The following TIPIN variants were observed in gnomAD, a reference collection of about 807,000 sequenced individuals.
The protein encoded by TIPIN is TIMELESS interacting protein, also known as TIMELESS-interacting protein.
TIPIN carries 29 observed loss-of-function variants against 35.6 expected under a neutral mutation model. That is an observed-to-expected ratio of 0.82 (90% confidence interval 0.61 to 1.11). The LOEUF (loss-of-function observed/expected upper bound fraction) is 1.11. TIPIN is among the 50% of genes most tolerant of loss of function. The pLI is 0.00. For synonymous variants in TIPIN, 102 were observed against 121.5 expected (o/e 0.84, Z 1.06); for missense variants, 296 against 345.4 (o/e 0.86, Z 1.13).
At chr15:66,384,598 G>A (rs2093329642) in intron 1 of TIPIN, among the ~76,000 whole-genome samples, 1 of 151,566 alleles carries the variant, frequency 6.6e-6, no homozygotes, top group African/African-American at 2.4e-5. Flanking sequence ...CATCCACCCA[G>A]AATAATTTAT....
At chr15:66,362,461 C>A (rs561452975) in intron 1 of TIPIN, among the ~76,000 whole-genome samples, 1 of 152,164 alleles carries the variant, frequency 6.6e-6, no homozygotes, top group African/African-American at 2.4e-5. Flanking sequence ...GGTTTCACGC[C>A]TGTAATCACA....
chr15:66,380,604 C>T (rs774302141), intron 1 of TIPIN, among the ~76,000 whole-genome samples: 1 of 152,044 alleles, frequency 6.6e-6, no homozygotes, highest in Non-Finnish European at 1.5e-5. Flanking sequence ...CACCTGAGGT[C>T]AGGAGTTAGA....
intron 1 of TIPIN, among the ~76,000 whole-genome samples, chr15:66,372,307 A>C (rs999122320): frequency 6.6e-6 from 1 of 152,208 alleles, no homozygotes; most frequent in African/African-American, 2.4e-5. Flanking sequence ...TTTGAACTTT[A>C]TATGAAAGAA....
chr15:66,353,876 A>T (rs1035692015), intron 1 of TIPIN, among the ~76,000 whole-genome samples: 12 of 151,914 alleles, frequency 7.9e-5, no homozygotes, highest in Non-Finnish European at 1.3e-4. Flanking sequence ...CGGTAATCCC[A>T]GCAGGAGGCA....
chr15:66,347,691 C>A (rs1234865075), intron 6 of TIPIN, among the ~76,000 whole-genome samples: 2 of 152,140 alleles, frequency 1.3e-5, no homozygotes, highest in Non-Finnish European at 2.9e-5. Flanking sequence ...CAAGTTAATT[C>A]TCCTGCCTCA....
intron 1 of TIPIN, among the ~76,000 whole-genome samples, chr15:66,353,569 T>G (rs796066585): frequency 6.8e-6 from 1 of 148,034 alleles, no homozygotes; most frequent in African/African-American, 2.5e-5. Context: ...TAAGCCAAGA[T>G]GCCGCCACTG....
At chr15:66,368,814 C>G (rs1432881992) in intron 1 of TIPIN, among the ~76,000 whole-genome samples, 2 of 152,026 alleles carry the variant, frequency 1.3e-5, no homozygotes, top group Non-Finnish European at 2.9e-5. Context: ...ATGTCCTAGC[C>G]AAACAAACCT....
At chr15:66,374,539 A>G (rs1258553350) in intron 1 of TIPIN, among the ~76,000 whole-genome samples, 1 of 151,752 alleles carries the variant, frequency 6.6e-6, no homozygotes, top group Non-Finnish European at 1.5e-5. Flanking sequence ...CCTCCCAAGT[A>G]GTGCATGCCA....
chr15:66,346,016 G>C (rs1226830533), intron 6 of TIPIN, among the ~76,000 whole-genome samples: 1 of 151,166 alleles, frequency 6.6e-6, no homozygotes, highest in African/African-American at 2.4e-5. Flanking sequence ...GCGCAATCTC[G>C]GATCACTGCA....
intron 6 of TIPIN, among the ~76,000 whole-genome samples, chr15:66,342,552 CAG>C (rs1184182918): frequency 1.3e-5 from 2 of 151,946 alleles, no homozygotes; most frequent in Non-Finnish European, 2.9e-5. Context: ...TTAGTAGAGA[CAG>C]GGTTTCACCG....
At chr15:66,338,033 A>T (rs537361585) in intron 7 of TIPIN, among the ~76,000 whole-genome samples, 2 of 152,306 alleles carry the variant, frequency 1.3e-5, no homozygotes, top group South Asian at 4.1e-4. Context: ...AGGCAGGCAG[A>T]TCACTCAAGG....
At position 66,351,506 on chromosome 15, in the gene TIPIN, C is replaced by T; in HGVS notation, c.288+19G>A. The T allele has an allele frequency of 6.3e-7, 1 of 1,591,890 alleles. No homozygotes were observed. On this transcript the variant is annotated intron_variant, in intron 4 of 7. Transcript: ENST00000261881. ...GCTATTTTAAAAAACAAAGGTCTAA[C>T]ATAAAAATCAGTTCTTACCTCATGA... is the stretch of plus-strand genomic sequence containing the variant.
intron 7 of TIPIN, among the ~76,000 whole-genome samples, chr15:66,337,613 C>T (rs937483752): frequency 6.6e-6 from 1 of 151,898 alleles, no homozygotes; most frequent in African/African-American, 2.4e-5. Context: ...TGAGCTACCA[C>T]GCCTAGCCAA....
intron 6 of TIPIN, among the ~76,000 whole-genome samples, chr15:66,345,563 A>G (rs1015443841): frequency 2.0e-5 from 3 of 152,042 alleles, no homozygotes; most frequent in Admixed American, 6.6e-5. Context: ...AAAAATACAA[A>G]AATTAGCCAG....
At chr15:66,364,158 C>CTTTTTTTTTTTT (rs747825457) in intron 1 of TIPIN, among the ~76,000 whole-genome samples, 2 of 73,794 alleles carry the variant, frequency 2.7e-5, no homozygotes, top group Non-Finnish European at 4.9e-5. Flanking sequence ...TCTTTCTTTT[C>CTTTTTTTTTTTT]TTTTTTTTTT....
chr15:66,352,225 G>C lies in TIPIN; in HGVS notation c.134-18C>G, dbSNP rs9806130. The C allele has an allele frequency of 1.0e-5, 16 of 1,533,518 alleles. No individual in the cohort carries two copies. In the African/African-American group the frequency reaches 1.7e-4, roughly 16 times the overall value. The allele number at this position is 1,533,518 out of a possible 1,614,324, so 95.0% of individuals were successfully genotyped here. On this transcript the variant is annotated intron_variant, in intron 2 of 7. Coordinates refer to ENST00000261881, the MANE Select transcript of TIPIN (RefSeq NM_017858.3). ...TCCTGACTCTGGTGAAACAAACCAC[G>C]ATTCAGTATTACTGTACTTAAATGA...
intron 1 of TIPIN, among the ~76,000 whole-genome samples, chr15:66,385,019 C>T (rs1016767651): frequency 6.6e-6 from 1 of 152,172 alleles, no homozygotes; most frequent in Non-Finnish European, 1.5e-5. Context: ...GGTATTCTCC[C>T]TTCCCATACT....
chr15:66,351,403 C>T (rs1331742526), intron 4 of TIPIN, 122 bp downstream of exon 4: 9 of 743,572 alleles, frequency 1.2e-5, no homozygotes, highest in Non-Finnish European at 7.0e-6. Context: ...AACTGTTTCT[C>T]AAGACATACG....
chr15:66,340,698 G>A (rs1566970755), intron 7 of TIPIN, among the ~76,000 whole-genome samples: 2 of 152,012 alleles, frequency 1.3e-5, no homozygotes, highest in Non-Finnish European at 2.9e-5. Context: ...CTTGATTCAG[G>A]TGATTCTCGT....
Sources: gnomAD v4.1 joint callset for allele counts (sites outside exome capture counted in the v4.1 genomes callset) on GRCh38, gnomAD v4.1.1 for gene constraint, MANE v1.5 for transcripts, NCBI Gene and HGNC (gene_info 2026-07-23, HGNC 2026-07-21) for gene names.